Variants in KCNJ6 observed in about 807,000 individuals in gnomAD.
The protein encoded by KCNJ6 is G protein-activated inward rectifier potassium channel 2.
KCNJ6 carries 9 observed loss-of-function variants against 34.2 expected under a neutral mutation model. The ratio of observed to expected loss-of-function variants is 0.26; its 90% CI spans 0.16 to 0.46. The LOEUF is 0.46. KCNJ6 is among the 20% of genes least tolerant of loss of function. The pLI, the probability that KCNJ6 is intolerant of heterozygous loss-of-function variation, is 1.00. For synonymous variants in KCNJ6, 196 were observed against 207.1 expected (o/e 0.95, Z 0.46); for missense variants, 236 against 531.3 (o/e 0.44, Z 5.46).
intron 2 of KCNJ6, among the ~76,000 whole-genome samples, chr21:37,745,729 T>G (rs1055522166): frequency 6.6e-6 from 1 of 152,194 alleles, no homozygotes; most frequent in Non-Finnish European, 1.5e-5. Flanking sequence ...GAACACCTGC[T>G]ATGTGCCAGA....
intron 1 of KCNJ6, among the ~76,000 whole-genome samples, chr21:37,849,106 A>G (rs1015757436): frequency 6.6e-6 from 1 of 152,222 alleles, no homozygotes; most frequent in African/African-American, 2.4e-5. Context: ...GAGGATGTCC[A>G]GGTAACTGGA....
At chr21:37,740,999 C>CTTTTTT (rs2054938690) in intron 2 of KCNJ6, among the ~76,000 whole-genome samples, 1 of 152,220 alleles carries the variant, frequency 6.6e-6, no homozygotes, top group African/African-American at 2.4e-5. Flanking sequence ...TGTCTTCAGC[C>CTTTTTT]TCTTTTTCTT....
Position 37,686,000 on chromosome 21 carries a change from C to T in KCNJ6, c.946+28211G>A, listed in dbSNP as rs563631142. 2.6e-5 allele frequency among the ~76,000 whole-genome samples: 4 copies of T among 151,940 alleles called. No homozygotes were observed. In the South Asian group the frequency reaches 6.2e-4, roughly 24 times the overall value. ...ACAATATACCTGAAGAGGCATAGAA[C>T]GTTTCCAGAAAGGCACCCAAGTGAC... On this transcript the variant is annotated intron_variant, in intron 3 of 3. Coordinates refer to ENST00000609713, the MANE Select transcript of KCNJ6 (RefSeq NM_002240.5).
intron 2 of KCNJ6, among the ~76,000 whole-genome samples, chr21:37,751,187 G>C (rs760698786): frequency 5.9e-5 from 9 of 152,224 alleles, no homozygotes; most frequent in Non-Finnish European, 1.2e-4. Flanking sequence ...CACACACACA[G>C]AGAGAGAAAT....
chr21:37,635,048 G>A (rs1197305903), intron 3 of KCNJ6, among the ~76,000 whole-genome samples: 1 of 151,956 alleles, frequency 6.6e-6, no homozygotes, highest in African/African-American at 2.4e-5. Context: ...GAGCCACCAT[G>A]CACAGCCAAA....
intron 2 of KCNJ6, among the ~76,000 whole-genome samples, chr21:37,826,089 C>T (rs1247539447): frequency 6.6e-6 from 1 of 152,170 alleles, no homozygotes; most frequent in Non-Finnish European, 1.5e-5. Context: ...TAAGTCTGGG[C>T]ATTCTCCAAG....
intron 1 of KCNJ6, among the ~76,000 whole-genome samples, chr21:37,882,612 T>G (rs2055714954): frequency 6.6e-6 from 1 of 152,142 alleles, no homozygotes. Flanking sequence ...TTCCTCATGG[T>G]TTATAGAAAA....
intron 3 of KCNJ6, among the ~76,000 whole-genome samples, chr21:37,655,179 TTGTG>T (rs369378573): frequency 0.022 from 518 of 23,958 alleles, 5 homozygotes; most frequent in Non-Finnish European, 0.034. Flanking sequence ...CTCTAGACAT[TTGTG>T]TGTGTGTGTG....
At chr21:37,784,734 C>T (rs16995494) in intron 2 of KCNJ6, among the ~76,000 whole-genome samples, 2 of 152,018 alleles carry the variant, frequency 1.3e-5, no homozygotes, top group African/African-American at 4.8e-5. Context: ...TCTGTGCCTG[C>T]CTGGCTCCTG....
At position 37,616,592 on chromosome 21, in the gene KCNJ6, T is replaced by TATATATATATATATATATAC; in HGVS notation, c.*8566_*8567insGTATATATATATATATATAT. 1.0e-5 allele frequency: 1 copy of TATATATATATATATATATAC among 97,866 alleles called. No homozygotes were observed. Among genetic ancestry groups the TATATATATATATATATATAC allele is most frequent in the East Asian group, 4.7e-4 (1 of 2,108 alleles). 6.1% of individuals were successfully genotyped at this position (97,866 alleles called of 1,614,324 possible). A position where few individuals can be genotyped will look rare whatever the true frequency, so the allele number is the denominator to read the frequency against. ...TTATGAAGCAGGAACAAAATGTACA[T>TATATATATATATATATATAC]ATATATATATATATATATATATATG... is the stretch of plus-strand genomic sequence containing the variant. On this transcript the variant is annotated 3_prime_UTR_variant, in exon 4 of 4. Transcript: ENST00000609713.
intron 2 of KCNJ6, among the ~76,000 whole-genome samples, chr21:37,826,259 C>A (rs992163423): frequency 4.6e-5 from 7 of 152,086 alleles, no homozygotes; most frequent in Non-Finnish European, 7.4e-5. Flanking sequence ...CAAAGTCATC[C>A]CTTGATTGAT....
chr21:37,790,364 C>A (rs532581104), intron 2 of KCNJ6, among the ~76,000 whole-genome samples: 3 of 152,276 alleles, frequency 2.0e-5, no homozygotes, highest in African/African-American at 7.2e-5. Context: ...TCGTTTACCA[C>A]CACACAAAAC....
Position 37,624,155 on chromosome 21 carries a change from C to T in KCNJ6, c.*1004G>A, listed in dbSNP as rs2054300548. ...GAGAATATTTCCTTCCTGGTATTCC[C>T]CCTCCTCCAGGCCAGTTAGTGAGGC... On this transcript the variant is annotated 3_prime_UTR_variant, in exon 4 of 4. Transcript: ENST00000609713. 6.6e-6 allele frequency: 1 copy of T among 152,160 alleles called. No homozygotes were observed. The highest frequency in any genetic ancestry group is 1.5e-5 in the Non-Finnish European group (1 of 68,034). The allele number at this position is 152,160 out of a possible 1,614,324, so 9.4% of individuals were successfully genotyped here. A position where few individuals can be genotyped will look rare whatever the true frequency, so the allele number is the denominator to read the frequency against.
chr21:37,693,008 C>A lies in KCNJ6; in HGVS notation c.946+21203G>T, dbSNP rs376051940. Among the ~76,000 whole-genome samples the A allele has an allele frequency of 8.5e-5, 13 of 152,298 alleles. No homozygotes were observed. The East Asian group carries it at 2.3e-3, about 27-fold the overall frequency. On this transcript the variant is annotated intron_variant, in intron 3 of 3. Coordinates refer to ENST00000609713, the MANE Select transcript of KCNJ6 (RefSeq NM_002240.5). ...GTAAGTGAGCTTCTACAAAGTGTCACTAGTGACTGCCGCACCCTGTGTATG... is the reference window on the plus strand; with the variant it reads ...GTAAGTGAGCTTCTACAAAGTGTCAATAGTGACTGCCGCACCCTGTGTATG...
In KCNJ6 at chr21:37,612,724, C is replaced by CAAAA. The variant is rs3035306; in HGVS notation, c.*12431_*12434dup. 5 of 107,768 alleles carry CAAAA rather than the reference C, an allele frequency of 4.6e-5. No individual in the cohort carries two copies. Among genetic ancestry groups the CAAAA allele is most frequent in the Non-Finnish European group, 7.6e-5 (4 of 52,690 alleles). 6.7% of individuals were successfully genotyped at this position (107,768 alleles called of 1,614,324 possible). ...AGCTGCACATTTGCACATCCACAGG[C>CAAAA]AAAAAAAAAAAAAAAAAAAAGAGTC... On this transcript the variant is annotated 3_prime_UTR_variant, in exon 4 of 4. Coordinates refer to ENST00000609713, the MANE Select transcript of KCNJ6 (RefSeq NM_002240.5).
intron 3 of KCNJ6, among the ~76,000 whole-genome samples, chr21:37,669,215 C>G (rs915555060): frequency 6.6e-6 from 1 of 152,056 alleles, no homozygotes; most frequent in Admixed American, 6.5e-5. Context: ...TGTAAGGCAC[C>G]CCCCCACCTT....
intron 3 of KCNJ6, among the ~76,000 whole-genome samples, chr21:37,672,396 A>G (rs905366681): frequency 6.6e-6 from 1 of 151,930 alleles, no homozygotes; most frequent in Non-Finnish European, 1.5e-5. Flanking sequence ...GGTGATGCAG[A>G]AGGAAGGGAA....
intron 2 of KCNJ6, among the ~76,000 whole-genome samples, chr21:37,777,600 G>C (rs1223306819): frequency 6.6e-6 from 1 of 152,136 alleles, no homozygotes; most frequent in Non-Finnish European, 1.5e-5. Flanking sequence ...CAGGTACTAA[G>C]TATTATGCTC....
intron 1 of KCNJ6, among the ~76,000 whole-genome samples, chr21:37,861,057 T>C (rs1392350673): frequency 3.3e-5 from 5 of 152,152 alleles, no homozygotes; most frequent in African/African-American, 1.2e-4. Flanking sequence ...AAAGGAGAGA[T>C]TAATGATATG....
Sources: gnomAD v4.1 joint callset for allele counts (sites outside exome capture counted in the v4.1 genomes callset) on GRCh38, gnomAD v4.1.1 for gene constraint, MANE v1.5 for transcripts, NCBI Gene and HGNC (gene_info 2026-07-23, HGNC 2026-07-21) for gene names.